BRF1: variants seen among roughly 807,000 people sequenced by gnomAD.
BRF1 encodes the protein transcription factor IIIB 90 kDa subunit.
BRF1 carries 59 observed loss-of-function variants against 81.7 expected under a neutral mutation model. That is an observed-to-expected ratio of 0.72 (90% CI 0.59 to 0.90). BRF1 has a LOEUF of 0.90. BRF1 is among the 40% of genes least tolerant of loss of function. The probability of loss-of-function intolerance (pLI) is 0.00; values close to 1 mark genes in which losing one functional copy is unlikely to be tolerated. For synonymous variants in BRF1, 491 were observed against 395.6 expected (o/e 1.24, Z -2.86); for missense variants, 1,050 against 936.3 (o/e 1.12, Z -1.58).
chr14:105,229,610 G>A (rs587729351), intron 6 of BRF1, among the ~76,000 whole-genome samples: 7 of 152,218 alleles, frequency 4.6e-5, no homozygotes, highest in South Asian at 2.1e-4. Context: ...GGGGGTCACA[G>A]AGGTCCAACT....
At chr14:105,288,520 T>C (rs2057399094) in intron 1 of BRF1, among the ~76,000 whole-genome samples, 1 of 151,998 alleles carries the variant, frequency 6.6e-6, no homozygotes, top group South Asian at 2.1e-4. Context: ...CCGGGCATGG[T>C]GGCTCACACC....
At chr14:105,241,444 C>T (rs587646034) in intron 5 of BRF1, 30 bp from the exon 6 acceptor site, 4 of 1,607,266 alleles carry the variant, frequency 2.5e-6, no homozygotes, top group Non-Finnish European at 2.5e-6. Flanking sequence ...TCAGTGCCCA[C>T]CTCCATGTGC....
At chr14:105,228,008 C>A (rs1233319417) in intron 7 of BRF1, 1 of 152,304 alleles carries the variant, frequency 6.6e-6, no homozygotes, top group East Asian at 1.9e-4. Context: ...CTGTGAGGAA[C>A]CCCGACAAAT....
In BRF1 at chr14:105,220,144, C is replaced by T. The variant is rs1305333397; in HGVS notation, c.1316-14G>A. The T allele has an allele frequency of 6.2e-7, 1 of 1,613,168 alleles. No homozygotes were observed. The highest frequency in any genetic ancestry group is 8.5e-7 in the Non-Finnish European group (1 of 1,180,004). On this transcript the variant is annotated splice_polypyrimidine_tract_variant and intron_variant, in intron 11 of 17. Coordinates refer to ENST00000547530, the MANE Select transcript of BRF1 (RefSeq NM_001519.4). ...CTGAAGCATCTTCTGGAGGGAAGCA[C>T]AGCATCCGCGTCACTCAGGGCCAGC...
At chr14:105,229,377 C>T (rs190591933) in intron 6 of BRF1, among the ~76,000 whole-genome samples, 105 of 152,328 alleles carry the variant, frequency 6.9e-4, no homozygotes, top group East Asian at 4.6e-3. Flanking sequence ...GCAGATGGAA[C>T]GGCTTCTCAG....
intron 1 of BRF1, among the ~76,000 whole-genome samples, chr14:105,297,485 A>T (rs2057793801): frequency 6.6e-6 from 1 of 151,728 alleles, no homozygotes; most frequent in Admixed American, 6.6e-5. Context: ...CAGCAGAATC[A>T]CTTGAACTCG....
intron 5 of BRF1, chr14:105,247,200 C>G (rs1241471923): frequency 2.0e-6 from 2 of 985,448 alleles, no homozygotes; most frequent in Non-Finnish European, 2.4e-6. Context: ...GCGGGTGCAT[C>G]CACACACTTT....
intron 5 of BRF1, among the ~76,000 whole-genome samples, chr14:105,243,519 G>A (rs2054865749): frequency 6.6e-6 from 1 of 151,688 alleles, no homozygotes; most frequent in Non-Finnish European, 1.5e-5. Flanking sequence ...TGAGGAGGCT[G>A]AGGCAGTAGG....
At chr14:105,310,533 C>CAAAAAA (rs764203821) in intron 1 of BRF1, among the ~76,000 whole-genome samples, 2 of 79,698 alleles carry the variant, frequency 2.5e-5, no homozygotes, top group African/African-American at 5.2e-5. Context: ...GACTCTGTCT[C>CAAAAAA]AAAAAAAAAA....
chr14:105,315,432 C>CTT lies in BRF1; in HGVS notation c.-273_-272insAA, dbSNP rs905979900. 3.9e-5 allele frequency: 6 copies of CTT among 152,296 alleles called. No homozygotes were observed. The highest frequency in any genetic ancestry group is 1.4e-4 in the African/African-American group (6 of 41,470). The allele number at this position is 152,296 out of a possible 1,614,324, so 9.4% of individuals were successfully genotyped here. A position where few individuals can be genotyped will look rare whatever the true frequency, so the allele number is the denominator to read the frequency against. ...ACGCTTCCTTTCGCGTTCGGCGACA[C>CTT]TGTCAGACCTCGGCCTGGGAGCGAC... On this transcript the variant is annotated 5_prime_UTR_variant, in exon 1 of 18. Coordinates refer to the BRF1 transcript ENST00000327359. This position sits in a 1 kb window ranked among gnomAD's most constrained non-coding sequence, Gnocchi z 4.4.
chr14:105,300,618 G>A lies in BRF1; in HGVS notation c.12C>T (p.Arg4=), dbSNP rs1344781931. 7.1e-7 allele frequency: 1 copy of A among 1,406,226 alleles called. No individual in the cohort carries two copies. Among genetic ancestry groups the A allele is most frequent in the Admixed American group, 3.4e-5 (1 of 29,744 alleles). 87.1% of individuals were successfully genotyped at this position (1,406,226 alleles called of 1,614,324 possible). ...CCGTGCCGCCGCAACCGCGGCACAC[G>A]CGGCCCGTCATGCCGGCGACCGCGC... The part of the protein sequence containing the change: MTG[R]VCRGCGGTDI... Residue 4 remains arginine, a synonymous_variant, in exon 1 of 18, where the codon CGC becomes CGT. Transcript: ENST00000547530.
intron 6 of BRF1, among the ~76,000 whole-genome samples, chr14:105,229,181 C>G (rs895048871): frequency 2.0e-5 from 3 of 152,212 alleles, no homozygotes; most frequent in Middle Eastern, 3.2e-3. Flanking sequence ...CGTAATCCCT[C>G]AAAGCAAACA....
At chr14:105,245,739 G>T (rs1177956409) in intron 5 of BRF1, among the ~76,000 whole-genome samples, 1 of 152,174 alleles carries the variant, frequency 6.6e-6, no homozygotes, top group Non-Finnish European at 1.5e-5. Flanking sequence ...AATAAAGATA[G>T]ACCCTTACCT....
At chr14:105,285,157 C>T (rs2057268594) in intron 2 of BRF1, among the ~76,000 whole-genome samples, 1 of 152,218 alleles carries the variant, frequency 6.6e-6, no homozygotes, top group Admixed American at 6.5e-5. Context: ...CAGAAACTGA[C>T]AAGCTGATCC....
chr14:105,249,902 C>A, intron 5 of BRF1: 1 of 1,611,284 alleles, frequency 6.2e-7, no homozygotes, highest in South Asian at 1.1e-5. Flanking sequence ...GATAGACCGG[C>A]AGACGCTGGA....
At chr14:105,272,376 G>A (rs1040086569) in intron 3 of BRF1, among the ~76,000 whole-genome samples, 2 of 152,236 alleles carry the variant, frequency 1.3e-5, no homozygotes, top group Non-Finnish European at 2.9e-5. Context: ...TCAGGCCAGA[G>A]GGCGGCCTGA....
At chr14:105,311,713 T>C (rs2058353365) in intron 1 of BRF1, among the ~76,000 whole-genome samples, 2 of 152,228 alleles carry the variant, frequency 1.3e-5, no homozygotes, top group African/African-American at 2.4e-5. Flanking sequence ...CCGTGGGAAC[T>C]GTCCACAGGT....
intron 6 of BRF1, 44 bp from the exon 7 acceptor site, chr14:105,228,957 C>G: frequency 6.3e-7 from 1 of 1,581,788 alleles, no homozygotes; most frequent in East Asian, 2.2e-5. Flanking sequence ...GGCTGGGAAC[C>G]AGGGCAACAT....
At chr14:105,217,981 G>A (rs758662419) in intron 14 of BRF1, among the ~76,000 whole-genome samples, 181 bp from the exon 15 acceptor site, 1 of 152,314 alleles carries the variant, frequency 6.6e-6, no homozygotes, top group South Asian at 2.1e-4. Context: ...GCCTGCCCAC[G>A]TCAAATCCTG....
Sources: allele counts gnomAD v4.1 joint callset (sites outside exome capture counted in the v4.1 genomes callset), GRCh38; gene constraint gnomAD v4.1.1; non-coding constraint Gnocchi (gnomAD v3.1); transcripts MANE v1.5; gene names NCBI Gene and HGNC (gene_info 2026-07-23, HGNC 2026-07-21).